Variants in ZNF112 observed in about 807,000 individuals in gnomAD.
ZNF112 encodes the protein zinc finger protein 112.
ZNF112 carries 37 observed loss-of-function variants against 77.7 expected under a neutral mutation model. The ratio of observed to expected loss-of-function variants is 0.48; its 90% CI spans 0.37 to 0.63. The LOEUF is 0.63. Among genes scored for constraint, ZNF112 ranks in the 20% least tolerant of loss-of-function variants. The pLI is 0.00. For synonymous variants in ZNF112, 333 were observed against 363.6 expected (o/e 0.92, Z 0.96); for missense variants, 950 against 1,077.4 (o/e 0.88, Z 1.66).
At chr19:44,364,791 G>C (rs933798003) in intron 1 of ZNF112, among the ~76,000 whole-genome samples, 4 of 152,108 alleles carry the variant, frequency 2.6e-5, no homozygotes, top group Admixed American at 2.6e-4. Context: ...GACTACTATG[G>C]CCATTTTACA....
chr19:44,334,370 G>A (rs2123154986), intron 3 of ZNF112, among the ~76,000 whole-genome samples: 1 of 152,328 alleles, frequency 6.6e-6, no homozygotes, highest in South Asian at 2.1e-4. Flanking sequence ...AAAAGAAGCA[G>A]AGCATAAAAA....
chr19:44,365,298 A>T (rs1240572971), intron 1 of ZNF112, among the ~76,000 whole-genome samples: 2 of 152,060 alleles, frequency 1.3e-5, no homozygotes, highest in Admixed American at 6.6e-5. Flanking sequence ...TACAAAAGAT[A>T]CAAAAAATTA....
upstream of ZNF112, among the ~76,000 whole-genome samples, chr19:44,358,271 C>T (rs577797718): frequency 3.5e-4 from 53 of 150,398 alleles, no homozygotes. Flanking sequence ...GAGGATCAAT[C>T]TGATAATAGG....
intron 3 of ZNF112, among the ~76,000 whole-genome samples, chr19:44,331,440 G>C (rs1377225473): frequency 6.6e-6 from 1 of 152,160 alleles, no homozygotes; most frequent in African/African-American, 2.4e-5. Flanking sequence ...TAAGCAGACA[G>C]CAGATCTTCA....
rs567546853 is a variant in ZNF112 at position 44,331,917 on chromosome 19, C to G, written c.221-1981G>C. ...CTGCTGATGAGAAAAGCAAAGGTCA[C>G]AAGAATCTACTGTGGATGAAATAAA... On this transcript the variant is annotated intron_variant, in intron 3 of 3. Transcript: ENST00000354340. Among the ~76,000 whole-genome samples, 17 of 152,262 alleles carry G rather than the reference C, an allele frequency of 1.1e-4. No individual in the cohort carries two copies. The East Asian group carries it at 3.3e-3, about 29-fold the overall frequency.
intron 2 of ZNF112, among the ~76,000 whole-genome samples, chr19:44,337,375 T>TA (rs1275704039): frequency 4.8e-5 from 3 of 61,996 alleles, no homozygotes; most frequent in African/African-American, 2.0e-4. Context: ...TTATATATAT[T>TA]TTATATATAA....
chr19:44,355,431 A>G (rs1970769239), intron 1 of ZNF112, among the ~76,000 whole-genome samples: 1 of 152,230 alleles, frequency 6.6e-6, no homozygotes, highest in Non-Finnish European at 1.5e-5. Flanking sequence ...AAATTAAATT[A>G]CAGATAATTT....
intron 1 of ZNF112, among the ~76,000 whole-genome samples, chr19:44,351,286 A>C (rs1970687160): frequency 6.6e-6 from 1 of 152,084 alleles, no homozygotes; most frequent in African/African-American, 2.4e-5. Flanking sequence ...ACACCAGTAA[A>C]TATCTCATAC....
chr19:44,348,730 T>G (rs1356991840), intron 1 of ZNF112, among the ~76,000 whole-genome samples: 1 of 152,060 alleles, frequency 6.6e-6, no homozygotes, highest in Non-Finnish European at 1.5e-5. Context: ...AGAGCATATT[T>G]TAAATGGAAT....
intron 1 of ZNF112, among the ~76,000 whole-genome samples, chr19:44,344,457 A>G (rs1310973257): frequency 2.0e-5 from 3 of 152,072 alleles, no homozygotes; most frequent in African/African-American, 7.2e-5. Flanking sequence ...GAGGTGCACT[A>G]CTCCAGTAGG....
At chr19:44,363,263 G>A (rs1970871554) in intron 1 of ZNF112, among the ~76,000 whole-genome samples, 2 of 152,092 alleles carry the variant, frequency 1.3e-5, no homozygotes, top group African/African-American at 4.8e-5. Context: ...GAGCCACTGT[G>A]CCTAGCCCTG....
At position 44,328,607 on chromosome 19, in the gene ZNF112, T is replaced by G. The variant is rs1970186558; in HGVS notation, c.1550A>C (p.Lys517Thr). 1 of 1,614,010 alleles carries G rather than the reference T, an allele frequency of 6.2e-7. No homozygotes were observed. The highest frequency in any genetic ancestry group is 1.3e-5 in the African/African-American group (1 of 74,922). Residue 517 changes from lysine (K) to threonine (T), a missense_variant, in exon 4 of 4, where the codon AAG (lysine) becomes ACG (threonine). Lys to Thr is a moderately conservative substitution (Grantham distance 78). Transcript: ENST00000354340. The part of the protein sequence containing the change: ...KDHQRVHTGQ[K>T]PYKCNICGKG... ...GCCGCATATATTGCATTTGTATGGC[T>G]TCTGTCCAGTGTGGACTCTCTGATG...
At chr19:44,364,382 T>C (rs554306498) in intron 1 of ZNF112, among the ~76,000 whole-genome samples, 14 of 152,336 alleles carry the variant, frequency 9.2e-5, no homozygotes, top group Middle Eastern at 6.8e-3. Context: ...CCCATTATAA[T>C]TGAGATGTTG....
upstream of ZNF112, among the ~76,000 whole-genome samples, chr19:44,357,867 G>A (rs1311795427): frequency 6.6e-6 from 1 of 152,130 alleles, no homozygotes; most frequent in Non-Finnish European, 1.5e-5. Flanking sequence ...CGGTGAATGG[G>A]TTGACTCAAT....
chr19:44,361,883 G>T (rs1568681331), intron 1 of ZNF112, among the ~76,000 whole-genome samples: 1 of 150,422 alleles, frequency 6.6e-6, no homozygotes, highest in Non-Finnish European at 1.5e-5. Flanking sequence ...GGAAAGGAGA[G>T]TATATGGGAA....
chr19:44,361,434 G>T (rs1189105746), upstream of ZNF112, among the ~76,000 whole-genome samples: 1 of 151,994 alleles, frequency 6.6e-6, no homozygotes, highest in African/African-American at 2.4e-5. Flanking sequence ...ACAAACTGTG[G>T]TGCATCAATA....
intron 1 of ZNF112, among the ~76,000 whole-genome samples, chr19:44,349,785 T>C (rs1296989328): frequency 6.6e-6 from 1 of 152,060 alleles, no homozygotes; most frequent in Non-Finnish European, 1.5e-5. Context: ...CCAGATAAAA[T>C]AAATTTGTTT....
chr19:44,328,539 C>T lies in ZNF112; in HGVS notation c.1618G>A (p.Val540Ile). 3 of 1,604,550 alleles carry T rather than the reference C, an allele frequency of 1.9e-6. No homozygotes were observed. Among genetic ancestry groups the T allele is most frequent in the Non-Finnish European group, 2.6e-6 (3 of 1,173,706 alleles). Reference protein sequence around the residue: ...HRSVLNVHQRVHTGEKPYKCE... With the variant: ...HRSVLNVHQRIHTGEKPYKCE... ...TTATAAGGTTTCTCTCCTGTGTGGA[C>T]TCTCTGATGAACATTCAGAACTGAT... Residue 540 changes from valine to isoleucine, a missense_variant, in exon 4 of 4, where the codon GTC becomes ATC. By Grantham distance (29) the Val-to-Ile change is conservative. Transcript: ENST00000354340.
upstream of ZNF112, among the ~76,000 whole-genome samples, chr19:44,361,473 A>C (rs1970854580): frequency 6.6e-6 from 1 of 152,222 alleles, no homozygotes; most frequent in Admixed American, 6.5e-5. Context: ...CCATAAAAAG[A>C]AATGAGATAT....
Sources: allele counts gnomAD v4.1 joint callset (sites outside exome capture counted in the v4.1 genomes callset), GRCh38; gene constraint gnomAD v4.1.1; transcripts MANE v1.5; gene names NCBI Gene and HGNC (gene_info 2026-07-23, HGNC 2026-07-21).